Variants in FTO observed in about 807,000 individuals in gnomAD.
The protein encoded by FTO is FTO alpha-ketoglutarate dependent dioxygenase.
Under a neutral mutation model 63.9 loss-of-function variants are expected in FTO, and 47 were observed. The ratio of observed to expected loss-of-function variants is 0.74; its 90% confidence interval spans 0.58 to 0.94. FTO has a LOEUF of 0.94. Among genes scored for constraint, FTO ranks in the 40% least tolerant of loss-of-function variants. The pLI, the probability that FTO is intolerant of heterozygous loss-of-function variation, is 0.00. For synonymous variants in FTO, 207 were observed against 224.4 expected (o/e 0.92, Z 0.69); for missense variants, 562 against 618.1 (o/e 0.91, Z 0.96).
intron 1 of FTO, among the ~76,000 whole-genome samples, chr16:53,808,751 G>A (rs920851366): frequency 6.6e-6 from 1 of 152,190 alleles, no homozygotes; most frequent in Non-Finnish European, 1.5e-5. Context: ...TGTTTACCAA[G>A]CTATATTCTT....
At chr16:54,102,981 T>G (rs1187757496) in intron 8 of FTO, among the ~76,000 whole-genome samples, 1 of 152,018 alleles carries the variant, frequency 6.6e-6, no homozygotes, top group Non-Finnish European at 1.5e-5. Flanking sequence ...AGGGAGATGC[T>G]ATCTCTACAA....
chr16:53,940,851 T>A (rs1213626982), intron 8 of FTO, among the ~76,000 whole-genome samples: 1 of 151,502 alleles, frequency 6.6e-6, no homozygotes, highest in Non-Finnish European at 1.5e-5. Context: ...AAAACAACGG[T>A]CTTATTATTA....
intron 8 of FTO, among the ~76,000 whole-genome samples, chr16:54,051,749 A>C (rs533985708): frequency 2.5e-4 from 38 of 152,370 alleles, no homozygotes; most frequent in African/African-American, 8.4e-4. Context: ...ATAGTGTTTT[A>C]AAATTATATT....
At chr16:53,922,718 T>C (rs1036158054) in intron 7 of FTO, among the ~76,000 whole-genome samples, 5 of 152,226 alleles carry the variant, frequency 3.3e-5, no homozygotes, top group Non-Finnish European at 1.5e-5. Flanking sequence ...GAATTGCACC[T>C]AAGGTGGCAC....
At chr16:53,853,394 G>T (rs2079872561) in intron 4 of FTO, among the ~76,000 whole-genome samples, 1 of 152,038 alleles carries the variant, frequency 6.6e-6, no homozygotes, top group African/African-American at 2.4e-5. Context: ...GTTGAAGTCT[G>T]GTATTTTAAT....
At chr16:53,764,912 G>T (rs776972091) in intron 1 of FTO, among the ~76,000 whole-genome samples, 13 of 151,844 alleles carry the variant, frequency 8.6e-5, no homozygotes, top group Non-Finnish European at 1.8e-4. Context: ...TAGAGACAGG[G>T]TTTCACCATG....
chr16:53,844,398 G>A, intron 4 of FTO, 100 bp downstream of exon 4: 1 of 1,011,138 alleles, frequency 9.9e-7, no homozygotes, highest in Admixed American at 2.0e-5. Context: ...AACTTTTGGA[G>A]TATTTTATAT....
chr16:53,715,230 T>A (rs1159194898), intron 1 of FTO, among the ~76,000 whole-genome samples: 10 of 152,148 alleles, frequency 6.6e-5, no homozygotes, highest in Non-Finnish European at 1.5e-4. Flanking sequence ...CCCAGGGTTG[T>A]CTTTTTGTTT....
intron 1 of FTO, among the ~76,000 whole-genome samples, chr16:53,739,412 T>A (rs560531291): frequency 6.6e-6 from 1 of 150,972 alleles, no homozygotes; most frequent in African/African-American, 2.4e-5. Context: ...GATGGGGTTT[T>A]ACCGTGTTAG....
chr16:54,088,137 C>T (rs1241465291), intron 8 of FTO, among the ~76,000 whole-genome samples: 4 of 152,132 alleles, frequency 2.6e-5, no homozygotes, highest in Non-Finnish European at 5.9e-5. Flanking sequence ...CTTGCCCTTC[C>T]AAATATTCTT....
chr16:53,913,307 G>T (rs1175441463), intron 7 of FTO, among the ~76,000 whole-genome samples: 1 of 152,204 alleles, frequency 6.6e-6, no homozygotes, highest in East Asian at 1.9e-4. Context: ...ATGAATAAAA[G>T]TTTGGTGTAT....
intron 8 of FTO, among the ~76,000 whole-genome samples, chr16:53,973,208 G>A (rs1042246315): frequency 6.6e-6 from 1 of 152,134 alleles, no homozygotes; most frequent in African/African-American, 2.4e-5. Flanking sequence ...CTGGGCTCCC[G>A]CCATTTCAGA....
At chr16:53,911,187 A>G (rs2081689192) in intron 7 of FTO, 1 of 572,680 alleles carries the variant, frequency 1.7e-6, no homozygotes, top group Non-Finnish European at 3.1e-6. Context: ...GCTTGAAAGC[A>G]CTTAGCACAT....
intron 1 of FTO, among the ~76,000 whole-genome samples, chr16:53,776,417 TTG>T (rs1204177258): frequency 6.6e-6 from 1 of 152,174 alleles, no homozygotes; most frequent in Non-Finnish European, 1.5e-5. Flanking sequence ...TTTCTGCTTT[TTG>T]TGTGTGTGAG....
intron 2 of FTO, among the ~76,000 whole-genome samples, chr16:53,815,531 T>C (rs2078650698): frequency 6.6e-6 from 1 of 152,002 alleles, no homozygotes; most frequent in Non-Finnish European, 1.5e-5. Context: ...CCATCAGAAC[T>C]GACTTGTACC....
intron 1 of FTO, among the ~76,000 whole-genome samples, chr16:53,706,763 G>A (rs955631976): frequency 6.6e-6 from 1 of 151,958 alleles, no homozygotes; most frequent in Non-Finnish European, 1.5e-5. Flanking sequence ...CCTTTTTATC[G>A]CAAATTAGTG....
intron 4 of FTO, among the ~76,000 whole-genome samples, chr16:53,848,180 C>T (rs2079687403): frequency 6.6e-6 from 1 of 152,046 alleles, no homozygotes; most frequent in South Asian, 2.1e-4. Context: ...GCTGCCTTTT[C>T]TCTTTACTTT....
chr16:53,764,193 G>A (rs2077135969), intron 1 of FTO: 1 of 152,156 alleles, frequency 6.6e-6, no homozygotes, highest in South Asian at 2.1e-4. Context: ...TAGGAGGTGA[G>A]ACTTGTAGAA....
chr16:53,889,077 T>A (rs1412260603), intron 7 of FTO, 126 bp downstream of exon 7: 3 of 1,144,334 alleles, frequency 2.6e-6, no homozygotes, highest in Non-Finnish European at 4.0e-6. Flanking sequence ...TTCTTCTTGG[T>A]AAGGTGATGG....
Sources: gnomAD v4.1 joint callset for allele counts (sites outside exome capture counted in the v4.1 genomes callset) on GRCh38, gnomAD v4.1.1 for gene constraint, MANE v1.5 for transcripts, NCBI Gene and HGNC (gene_info 2026-07-23, HGNC 2026-07-21) for gene names.